INSYN2B: variants seen among roughly 807,000 people sequenced by gnomAD.
INSYN2B encodes protein INSYN2B.
In INSYN2B, 16 loss-of-function variants were observed where a neutral mutation model predicts 41.2. The observed-to-expected ratio is 0.39, with a 90% confidence interval of 0.26 to 0.59. The LOEUF (loss-of-function observed/expected upper bound fraction) is 0.59. Among genes scored for constraint, INSYN2B ranks in the 20% least tolerant of loss-of-function variants. The pLI is 0.57. For missense variants in INSYN2B, 608 were observed against 646.4 expected, an observed-to-expected ratio of 0.94 and a Z score of 0.64; for synonymous variants, 245 against 244.4, an observed-to-expected ratio of 1.00 and a Z score of -0.02.
At chr5:169,974,148 T>G (rs1216709213) in intron 1 of INSYN2B, among the ~76,000 whole-genome samples, 2 of 152,230 alleles carry the variant, frequency 1.3e-5, no homozygotes, top group South Asian at 2.1e-4. Flanking sequence ...GTCAAGCTGA[T>G]CTAGGCAACC....
rs909315662 is a variant in INSYN2B, at chr5:169,863,954, G to A, written c.*319C>T. 3.9e-5 allele frequency among the ~76,000 whole-genome samples: 6 copies of A among 152,192 alleles called. No homozygotes were observed. The highest frequency in any genetic ancestry group is 9.7e-5 in the African/African-American group (4 of 41,440). Reference sequence around the variant, plus strand: ...TGGCATCTTGGAGGTGTTGGAAGGTGTAGTGTGGGGTTTTGCTCGTGGTGG... The same window carrying A: ...TGGCATCTTGGAGGTGTTGGAAGGTATAGTGTGGGGTTTTGCTCGTGGTGG... On this transcript the variant is annotated 3_prime_UTR_variant, in exon 4 of 4. Coordinates refer to ENST00000377365, the MANE Select transcript of INSYN2B (RefSeq NM_001129891.3).
chr5:169,871,774 T>C (rs1035168112), intron 3 of INSYN2B, among the ~76,000 whole-genome samples: 1 of 152,308 alleles, frequency 6.6e-6, no homozygotes, highest in Admixed American at 6.5e-5. Context: ...GAACCAGACC[T>C]AAACTAGGGC....
Position 169,951,742 on chromosome 5 carries a change from A to C in INSYN2B, c.-919+28535T>G, listed in dbSNP as rs569171143. ...ATAGCTACACCAAGGATTGTGCTCA[A>C]GTTTTGACTTATATTAGCTTGTTTA... On this transcript the variant is annotated intron_variant, in intron 1 of 3. Transcript: ENST00000377365. Among the ~76,000 whole-genome samples the C allele has an allele frequency of 2.9e-4, 44 of 152,344 alleles. 1 individual carries two copies. The highest frequency in any genetic ancestry group is 6.2e-4 in the South Asian group (3 of 4,818).
rs1354230161 is a variant in INSYN2B, at chr5:169,867,481, CATCTATCTA to C, written c.1422-3031_1422-3023del. On this transcript the variant is annotated intron_variant, in intron 3 of 3. Transcript: ENST00000377365. The stretch of plus-strand genomic sequence containing the variant: ...TCTATCTATTGATCCATCCATCTAT[CATCTATCTA>C]ATCTATCATCTATTATCTATTTATC... Among the ~76,000 whole-genome samples, 4 of 152,252 alleles carry C rather than the reference CATCTATCTA, an allele frequency of 2.6e-5. No individual in the cohort carries two copies. In the East Asian group the frequency reaches 7.7e-4, roughly 29 times the overall value.
intron 1 of INSYN2B, among the ~76,000 whole-genome samples, chr5:169,962,312 C>G (rs913885403): frequency 2.0e-5 from 3 of 152,054 alleles, no homozygotes; most frequent in African/African-American, 7.2e-5. Context: ...GTTATAGGTG[C>G]AGTCAGAAAG....
rs191749437 is a variant in INSYN2B at position 169,917,066 on chromosome 5, A to T, written c.-918-32250T>A. On this transcript the variant is annotated intron_variant, in intron 1 of 3. Transcript: ENST00000377365. ...CACCTATATGCCTCTCTTACTACTC[A>T]CAGCTTAAAGTCAGTGGAGTTGACG... Among the ~76,000 whole-genome samples the T allele has an allele frequency of 3.9e-4, 60 of 152,336 alleles. No homozygotes were observed. The East Asian group carries it at 7.3e-3, about 19-fold the overall frequency.
chr5:169,923,479 G>A (rs1240868368), intron 1 of INSYN2B, among the ~76,000 whole-genome samples: 5 of 110,216 alleles, frequency 4.5e-5, no homozygotes, highest in African/African-American at 8.1e-5. Context: ...GTGCATGCAC[G>A]TGGGCACACA....
chr5:169,901,812 C>T (rs1043703298), intron 1 of INSYN2B, among the ~76,000 whole-genome samples: 3 of 152,138 alleles, frequency 2.0e-5, no homozygotes, highest in African/African-American at 7.2e-5. Context: ...GTTTTCTGGA[C>T]CCTCAGCCAT....
chr5:169,917,573 A>C (rs555665304), intron 1 of INSYN2B, among the ~76,000 whole-genome samples: 1 of 152,292 alleles, frequency 6.6e-6, no homozygotes, highest in Admixed American at 6.5e-5. Flanking sequence ...ATGAAAATTG[A>C]ATGTTGTTTG....
At position 169,907,911 on chromosome 5, in the gene INSYN2B, G is replaced by A. The variant is rs183732415; in HGVS notation, c.-918-23095C>T. Among the ~76,000 whole-genome samples the A allele has an allele frequency of 1.2e-4, 18 of 152,332 alleles. No individual in the cohort carries two copies. The East Asian group carries it at 1.3e-3, about 11-fold the overall frequency. ...ACACACAGGAACCGTTGGCCAGTCC[G>A]TGTCGGTAAACATCTCTTGTGCAGG... On this transcript the variant is annotated intron_variant, in intron 1 of 3. Coordinates refer to ENST00000377365, the MANE Select transcript of INSYN2B (RefSeq NM_001129891.3).
At chr5:169,887,113 T>C (rs1773017565) in intron 1 of INSYN2B, among the ~76,000 whole-genome samples, 1 of 152,192 alleles carries the variant, frequency 6.6e-6, no homozygotes, top group Admixed American at 6.5e-5. Context: ...CTTCTCACCA[T>C]TGGGCCTTCC....
At chr5:169,907,581 T>C (rs930975414) in intron 1 of INSYN2B, among the ~76,000 whole-genome samples, 1 of 152,196 alleles carries the variant, frequency 6.6e-6, no homozygotes, top group Admixed American at 6.5e-5. Flanking sequence ...TCTAATTGAA[T>C]CCTCACAAAC....
intron 1 of INSYN2B, among the ~76,000 whole-genome samples, chr5:169,924,800 A>T (rs566035686): frequency 6.6e-6 from 1 of 152,056 alleles, no homozygotes; most frequent in East Asian, 1.9e-4. Context: ...GTATCCTGGG[A>T]CGCTCTTTGG....
In INSYN2B at chr5:169,863,114, C is replaced by T. The variant is rs144614283; in HGVS notation, c.*1159G>A. 3.7e-4 allele frequency among the ~76,000 whole-genome samples: 56 copies of T among 152,288 alleles called. 1 individual carries two copies. The highest frequency in any genetic ancestry group is 3.5e-3 in the South Asian group (17 of 4,828). On this transcript the variant is annotated 3_prime_UTR_variant, in exon 4 of 4. Coordinates refer to ENST00000377365, the MANE Select transcript of INSYN2B (RefSeq NM_001129891.3). ...AGCCATGCAAGTTTGACTGGATCCA[C>T]ATGTATGTAGGTCTTGTCAACAGAA...
chr5:169,954,505 T>C (rs1397252567), intron 1 of INSYN2B, among the ~76,000 whole-genome samples: 1 of 152,216 alleles, frequency 6.6e-6, no homozygotes, highest in African/African-American at 2.4e-5. Context: ...GAAAGACCTC[T>C]TGGCCACCCC....
In INSYN2B at chr5:169,978,776, C is replaced by A. The variant is rs1453095088; in HGVS notation, c.-919+1501G>T. 6.6e-5 allele frequency among the ~76,000 whole-genome samples: 10 copies of A among 152,120 alleles called. No individual in the cohort carries two copies. In the East Asian group the frequency reaches 1.9e-3, roughly 29 times the overall value. On this transcript the variant is annotated intron_variant, in intron 1 of 3. Transcript: ENST00000377365. ...GGTTCTGTACAGCAAATAAGCCCTG[C>A]CACTCAAGGTGTTAAGTAGTCCCTC... is the stretch of plus-strand genomic sequence containing the variant.
At chr5:169,906,479 T>TTGTTATGTTA (rs767598375) in intron 1 of INSYN2B, among the ~76,000 whole-genome samples, 1 of 151,662 alleles carries the variant, frequency 6.6e-6, no homozygotes, top group African/African-American at 2.4e-5. Flanking sequence ...TTATTTTATT[T>TTGTTATGTTA]TGTTACGTTA....
chr5:169,952,633 G>C (rs1776706610), intron 1 of INSYN2B, among the ~76,000 whole-genome samples: 1 of 152,124 alleles, frequency 6.6e-6, no homozygotes, highest in South Asian at 2.1e-4. Context: ...CCTGCTAAGA[G>C]CTCTGGAATA....
intron 1 of INSYN2B, among the ~76,000 whole-genome samples, chr5:169,934,402 G>A (rs377735409): frequency 2.0e-5 from 3 of 152,072 alleles, no homozygotes; most frequent in South Asian, 2.1e-4. Context: ...TTACCTATCC[G>A]CATGCCCGTG....
Sources: allele counts gnomAD v4.1 joint callset (sites outside exome capture counted in the v4.1 genomes callset), GRCh38; gene constraint gnomAD v4.1.1; transcripts MANE v1.5; gene names NCBI Gene and HGNC (gene_info 2026-07-23, HGNC 2026-07-21).